The following SYN3 variants were observed in gnomAD, a reference collection of about 807,000 sequenced individuals.
SYN3 encodes synapsin-3.
In SYN3, 35 loss-of-function variants were observed where a neutral mutation model predicts 65.8. The observed-to-expected ratio is 0.53, with a 90% confidence interval of 0.41 to 0.70. SYN3 has a LOEUF of 0.70. Among genes scored for constraint, SYN3 ranks in the 30% least tolerant of loss-of-function variants. SYN3 has a pLI of 0.00. For synonymous variants in SYN3, 270 were observed against 292.9 expected (o/e 0.92, Z 0.80); for missense variants, 680 against 749.0 (o/e 0.91, Z 1.08).
At chr22:32,938,997 A>T (rs536971125) in intron 3 of SYN3, among the ~76,000 whole-genome samples, 1 of 152,254 alleles carries the variant, frequency 6.6e-6, no homozygotes, top group East Asian at 1.9e-4. Flanking sequence ...AATTTATTAT[A>T]AGTCCAAAAT....
chr22:32,569,035 G>A (rs2058709618), intron 7 of SYN3, among the ~76,000 whole-genome samples: 1 of 152,140 alleles, frequency 6.6e-6, no homozygotes, highest in Admixed American at 6.5e-5. Flanking sequence ...GCAGCACAAT[G>A]CAAGTATATA....
chr22:33,006,287 A>T, intron 2 of SYN3, 65 bp downstream of exon 2: 1 of 1,493,274 alleles, frequency 6.7e-7, no homozygotes. Context: ...TTTCCCCAGG[A>T]GATGAGATAA....
intron 7 of SYN3, among the ~76,000 whole-genome samples, chr22:32,551,064 G>A (rs975082201): frequency 1.4e-4 from 21 of 152,172 alleles, no homozygotes; most frequent in Middle Eastern, 3.4e-3. Flanking sequence ...AAAATAAATG[G>A]GTAAATAACA....
intron 6 of SYN3, among the ~76,000 whole-genome samples, chr22:32,659,334 G>T (rs1167385593): frequency 1.3e-5 from 2 of 152,228 alleles, no homozygotes; most frequent in African/African-American, 2.4e-5. Context: ...CGAAGAGTGT[G>T]CTGGGGAGAC....
intron 1 of SYN3, among the ~76,000 whole-genome samples, chr22:33,052,160 T>C (rs1425100621): frequency 6.6e-6 from 1 of 152,036 alleles, no homozygotes; most frequent in African/African-American, 2.4e-5. Context: ...CTAGAGCTAG[T>C]CCTCCCCGCA....
At position 32,508,614 on chromosome 22, in the gene SYN3, C is replaced by T. The variant is rs914547590; in HGVS notation, c.*5078G>A. Among the ~76,000 whole-genome samples the T allele has an allele frequency of 2.6e-5, 4 of 152,088 alleles. No homozygotes were observed. Among genetic ancestry groups the T allele is most frequent in the African/African-American group, 7.2e-5 (3 of 41,396 alleles). On this transcript the variant is annotated 3_prime_UTR_variant, in exon 14 of 14. Transcript: ENST00000358763. ...TGAAAACCTGCCATTGATCTTCTTCCGCTTCTTTTCTCTATCTCATTTTAC... is the reference window on the plus strand; with the variant it reads ...TGAAAACCTGCCATTGATCTTCTTCTGCTTCTTTTCTCTATCTCATTTTAC...
At chr22:33,050,099 T>G (rs1473934350) in intron 1 of SYN3, among the ~76,000 whole-genome samples, 3 of 152,134 alleles carry the variant, frequency 2.0e-5, no homozygotes, top group Non-Finnish European at 4.4e-5. Context: ...CAGGGAGTCT[T>G]TGTGTCCATT....
intron 12 of SYN3, among the ~76,000 whole-genome samples, chr22:32,524,780 G>A (rs60513998): frequency 0.019 from 2,912 of 152,296 alleles, 58 homozygotes; most frequent in East Asian, 0.11. Flanking sequence ...GGAGGCCGAG[G>A]CGGGTGGCTC....
chr22:33,027,384 G>T (rs948752552), intron 1 of SYN3, among the ~76,000 whole-genome samples: 2 of 152,058 alleles, frequency 1.3e-5, no homozygotes, highest in Non-Finnish European at 2.9e-5. Flanking sequence ...ATCGCCTGAG[G>T]TCAAGAGTTT....
intron 4 of SYN3, among the ~76,000 whole-genome samples, chr22:32,926,548 C>G (rs1231745299): frequency 6.6e-6 from 1 of 152,070 alleles, no homozygotes; most frequent in East Asian, 1.9e-4. Flanking sequence ...TTTTTTCCCC[C>G]AGACATTAAT....
chr22:32,516,051 A>G (rs1450510372), intron 13 of SYN3, among the ~76,000 whole-genome samples: 6 of 151,912 alleles, frequency 3.9e-5, no homozygotes, highest in Non-Finnish European at 5.9e-5. Context: ...GCCCCCCTCC[A>G]CCTCCCAAAG....
chr22:32,638,191 C>A (rs963392239), intron 6 of SYN3, among the ~76,000 whole-genome samples: 6 of 151,966 alleles, frequency 3.9e-5, no homozygotes, highest in Non-Finnish European at 8.8e-5. Context: ...TGTGTGCGAA[C>A]CACATTTCCT....
chr22:32,844,927 C>T (rs1179232749), intron 6 of SYN3, among the ~76,000 whole-genome samples: 1 of 152,168 alleles, frequency 6.6e-6, no homozygotes, highest in Non-Finnish European at 1.5e-5. Context: ...CAAGGTCTCA[C>T]TGTGTTGCCC....
At chr22:32,745,571 C>T (rs968406534) in intron 6 of SYN3, among the ~76,000 whole-genome samples, 3 of 152,174 alleles carry the variant, frequency 2.0e-5, no homozygotes, top group South Asian at 4.1e-4. Context: ...ACTGGAAACT[C>T]GGAGAGGTCT....
At chr22:32,767,345 A>G (rs536610629) in intron 6 of SYN3, among the ~76,000 whole-genome samples, 6 of 152,044 alleles carry the variant, frequency 3.9e-5, no homozygotes, top group Non-Finnish European at 7.4e-5. Context: ...TGCTCCCACT[A>G]CTTTCCTAGG....
In SYN3 at chr22:32,587,095, G is replaced by C. The variant is rs535236192; in HGVS notation, c.774+9579C>G. ...AAATTAGCTGGGCATGGTGGCCTGC[G>C]TCTGTAGTCCCAGCTACTCAGGAGG... is the stretch of plus-strand genomic sequence containing the variant. On this transcript the variant is annotated intron_variant, in intron 7 of 13. Coordinates refer to ENST00000358763, the MANE Select transcript of SYN3 (RefSeq NM_003490.4). Among the ~76,000 whole-genome samples, 3 of 151,992 alleles carry C rather than the reference G, an allele frequency of 2.0e-5. No homozygotes were observed. The South Asian group carries it at 6.2e-4, about 32-fold the overall frequency.
chr22:32,597,494 G>C lies in SYN3; in HGVS notation c.712-758C>G, dbSNP rs1450234449. 2.0e-5 allele frequency among the ~76,000 whole-genome samples: 3 copies of C among 152,086 alleles called. No homozygotes were observed. In the East Asian group the frequency reaches 5.8e-4, roughly 29 times the overall value. ...GCCTCCTGAAGTGCTGGGGTTACAG[G>C]TGTGAGCCACCGCGCCTGGCCCATT... On this transcript the variant is annotated intron_variant, in intron 6 of 13. Coordinates refer to ENST00000358763, the MANE Select transcript of SYN3 (RefSeq NM_003490.4).
chr22:32,984,646 T>G (rs771239232), intron 2 of SYN3, among the ~76,000 whole-genome samples: 9 of 152,146 alleles, frequency 5.9e-5, no homozygotes, highest in Non-Finnish European at 1.2e-4. Flanking sequence ...CCCTCACTCC[T>G]AACTCCTCTG....
intron 6 of SYN3, among the ~76,000 whole-genome samples, chr22:32,775,821 C>T (rs2045894781): frequency 6.6e-6 from 1 of 152,190 alleles, no homozygotes; most frequent in Non-Finnish European, 1.5e-5. Context: ...GGCTTAGTAT[C>T]TGTTGTCAGC....
Sources: allele counts gnomAD v4.1 joint callset (sites outside exome capture counted in the v4.1 genomes callset), GRCh38; gene constraint gnomAD v4.1.1; transcripts MANE v1.5; gene names NCBI Gene and HGNC (gene_info 2026-07-23, HGNC 2026-07-21).